MAF: variants seen among roughly 807,000 people sequenced by gnomAD.
The protein encoded by MAF is transcription factor Maf.
A neutral mutation model predicts 22.0 loss-of-function variants in MAF; 10 were observed. The ratio of observed to expected loss-of-function variants is 0.45; its 90% confidence interval spans 0.28 to 0.77. The LOEUF is 0.77. Ranked by LOEUF, MAF falls within the 30% of genes least tolerant of loss-of-function variation. MAF has a pLI of 0.12. For missense variants in MAF, 544 were observed against 548.4 expected, an observed-to-expected ratio of 0.99 and a Z score of 0.08; for synonymous variants, 337 against 255.8, an observed-to-expected ratio of 1.32 and a Z score of -3.03.
chr16:79,551,838 G>A, the MAF span, among the ~76,000 whole-genome samples: 5 of 152,094 alleles, frequency 3.3e-5, no homozygotes, highest in African/African-American at 9.7e-5. Flanking sequence ...AGCTTGAGTA[G>A]CTGCAACAGA....
At chr16:79,445,706 G>A in the MAF span, among the ~76,000 whole-genome samples, 2 of 152,160 alleles carry the variant, frequency 1.3e-5, no homozygotes, top group South Asian at 4.1e-4. Context: ...TGACAGCAAA[G>A]GACCAGTTTG....
At chr16:79,462,965 T>A in the MAF span, among the ~76,000 whole-genome samples, 3 of 151,910 alleles carry the variant, frequency 2.0e-5, no homozygotes, top group Non-Finnish European at 2.9e-5. Context: ...GATTAGAGGG[T>A]GGTAAAGGAT....
chr16:79,516,392 T>C, the MAF span: 1 of 152,198 alleles, frequency 6.6e-6, no homozygotes, highest in African/African-American at 2.4e-5. Flanking sequence ...CTGTGTGCTA[T>C]GATAAATGAT....
the MAF span, among the ~76,000 whole-genome samples, chr16:79,574,872 C>T: frequency 1.3e-5 from 2 of 152,122 alleles, no homozygotes; most frequent in South Asian, 4.1e-4. Context: ...TTAAACTGGA[C>T]CTCAGACATG....
the MAF span, among the ~76,000 whole-genome samples, chr16:79,270,520 C>T: frequency 1.4e-4 from 21 of 152,332 alleles, no homozygotes; most frequent in Admixed American, 1.2e-3. Context: ...CATCTCTCTG[C>T]TCCTCTGATT....
the MAF span, among the ~76,000 whole-genome samples, chr16:79,358,020 C>T: frequency 0.45 from 68,339 of 151,742 alleles, 15,749 homozygotes; most frequent in South Asian, 0.61. Flanking sequence ...CAACTTGTGT[C>T]CAGCACCACT....
chr16:79,307,830 G>A, the MAF span, among the ~76,000 whole-genome samples: 9 of 152,150 alleles, frequency 5.9e-5, no homozygotes, highest in East Asian at 9.6e-4. Flanking sequence ...TCACCAAATC[G>A]TAAGCCAACA....
At chr16:79,484,535 G>C in the MAF span, among the ~76,000 whole-genome samples, 1 of 152,222 alleles carries the variant, frequency 6.6e-6, no homozygotes, top group Non-Finnish European at 1.5e-5. Context: ...TCCCTGCTAT[G>C]GTGGGAGGGA....
the MAF span, among the ~76,000 whole-genome samples, chr16:79,274,950 G>A: frequency 2.6e-5 from 4 of 152,200 alleles, no homozygotes; most frequent in Admixed American, 1.3e-4. Context: ...TAAACTCTCT[G>A]AGCTATAACA....
chr16:79,244,970 G>C, the MAF span, among the ~76,000 whole-genome samples: 2 of 152,004 alleles, frequency 1.3e-5, no homozygotes, highest in Non-Finnish European at 2.9e-5. Flanking sequence ...ATGGGGAAAG[G>C]TTTCCCTATT....
the MAF span, among the ~76,000 whole-genome samples, chr16:79,207,947 C>G: frequency 1.3e-5 from 2 of 152,056 alleles, no homozygotes; most frequent in African/African-American, 2.4e-5. Flanking sequence ...CATTTTCATC[C>G]CAACACCGAG....
the MAF span, among the ~76,000 whole-genome samples, chr16:79,523,496 A>G: frequency 3.3e-5 from 5 of 152,244 alleles, no homozygotes; most frequent in African/African-American, 9.6e-5. Flanking sequence ...ACTCATTCTA[A>G]AATATTTACT....
chr16:79,502,712 T>TAAATATATATATATAAATATAA, the MAF span, among the ~76,000 whole-genome samples: 2 of 31,118 alleles, frequency 6.4e-5, no homozygotes, highest in African/African-American at 2.8e-4. Flanking sequence ...AATATAAATA[T>TAAATATATATATATAAATATAA]ATATATATAT....
At chr16:79,377,167 A>T in the MAF span, among the ~76,000 whole-genome samples, 1 of 152,158 alleles carries the variant, frequency 6.6e-6, no homozygotes, top group African/African-American at 2.4e-5. Flanking sequence ...CTATTTCTCC[A>T]CATCCTCTCC....
the MAF span, among the ~76,000 whole-genome samples, chr16:79,239,242 C>T: frequency 6.6e-6 from 1 of 152,034 alleles, no homozygotes; most frequent in African/African-American, 2.4e-5. Flanking sequence ...CATGGGTGCC[C>T]TAGGCTCCTA....
chr16:79,474,704 AT>A, the MAF span, among the ~76,000 whole-genome samples: 1 of 151,924 alleles, frequency 6.6e-6, no homozygotes, highest in Non-Finnish European at 1.5e-5. Flanking sequence ...TTGAATATTT[AT>A]TTTTTGCTGG....
the MAF span, among the ~76,000 whole-genome samples, chr16:79,461,724 G>C: frequency 6.6e-6 from 1 of 152,170 alleles, no homozygotes; most frequent in African/African-American, 2.4e-5. Context: ...ACTGTTTGGA[G>C]AGAGGAGAGA....
the MAF span, among the ~76,000 whole-genome samples, chr16:79,425,673 T>TG: frequency 7.1e-3 from 1,076 of 152,044 alleles, 6 homozygotes; most frequent in Middle Eastern, 0.014. Flanking sequence ...ATTTTTTTTT[T>TG]TTTTTGAGAC....
At chr16:79,595,408 A>G in intron 1 of MAF, 1 of 1,053,704 alleles carries the variant, frequency 9.5e-7, no homozygotes, top group Non-Finnish European at 1.1e-6. Flanking sequence ...GAGTTGCAAT[A>G]TTATCTTTTT....
Sources: allele counts gnomAD v4.1 joint callset (sites outside exome capture counted in the v4.1 genomes callset), GRCh38; gene constraint gnomAD v4.1.1; transcripts MANE v1.5; gene names NCBI Gene and HGNC (gene_info 2026-07-23, HGNC 2026-07-21).